The following APIP variants were observed in gnomAD, a reference collection of about 807,000 sequenced individuals.
APIP encodes the protein APAF1 interacting protein.
Under a neutral mutation model 32.0 loss-of-function variants are expected in APIP, and 32 were observed. That is an observed-to-expected ratio of 1.00 (90% CI 0.76 to 1.34). The LOEUF (loss-of-function observed/expected upper bound fraction) is 1.34. Among genes scored for constraint, APIP ranks in the 40% most tolerant of loss-of-function variants. The pLI is 0.00. For missense variants in APIP, 247 were observed against 298.6 expected, an observed-to-expected ratio of 0.83 and a Z score of 1.27; for synonymous variants, 92 against 94.8, an observed-to-expected ratio of 0.97 and a Z score of 0.17.
At chr11:34,914,276 A>G (rs1001938192) in intron 1 of APIP, among the ~76,000 whole-genome samples, 1 of 152,084 alleles carries the variant, frequency 6.6e-6, no homozygotes, top group Admixed American at 6.6e-5. Context: ...GTTCTAGGGG[A>G]GAAGGAACCA....
At chr11:34,905,048 G>A (rs1853424364) in intron 1 of APIP, among the ~76,000 whole-genome samples, 1 of 152,168 alleles carries the variant, frequency 6.6e-6, no homozygotes, top group Admixed American at 6.5e-5. Flanking sequence ...ACCCTTGCAG[G>A]AATTGTTTTA....
chr11:34,898,782 T>C (rs1853323990), intron 1 of APIP, among the ~76,000 whole-genome samples: 1 of 123,274 alleles, frequency 8.1e-6, no homozygotes, highest in Non-Finnish European at 1.6e-5. Context: ...TATTTCTTTC[T>C]TTGGTTTTTT....
intron 1 of APIP, 142 bp downstream of exon 1, chr11:34,916,086 G>C: frequency 1.8e-6 from 2 of 1,108,300 alleles, no homozygotes; most frequent in Non-Finnish European, 2.5e-6. Context: ...GTCGCGGTGC[G>C]CCGGGGTAGC....
intron 1 of APIP, among the ~76,000 whole-genome samples, chr11:34,910,943 G>A (rs541721201): frequency 2.6e-5 from 4 of 152,270 alleles, no homozygotes; most frequent in East Asian, 3.9e-4. Flanking sequence ...GATTTTGGAG[G>A]CAAGGTCACC....
At chr11:34,889,614 T>C (rs934581171) in intron 3 of APIP, among the ~76,000 whole-genome samples, 1 of 152,112 alleles carries the variant, frequency 6.6e-6, no homozygotes, top group Non-Finnish European at 1.5e-5. Flanking sequence ...GACAGCAGTT[T>C]TTCCATCCTC....
chr11:34,889,937 T>C (rs941127257), intron 3 of APIP, among the ~76,000 whole-genome samples: 3 of 152,152 alleles, frequency 2.0e-5, no homozygotes, highest in East Asian at 3.8e-4. Flanking sequence ...CTGTAGCTTT[T>C]ATCTGCCAGG....
At chr11:34,890,404 G>A in intron 3 of APIP, 100 bp downstream of exon 3, 1 of 1,136,396 alleles carries the variant, frequency 8.8e-7, no homozygotes, top group Non-Finnish European at 1.3e-6. Flanking sequence ...TATTCAAATT[G>A]CTATGATAAA....
chr11:34,909,448 T>G (rs143349094), intron 1 of APIP, among the ~76,000 whole-genome samples: 186 of 152,250 alleles, frequency 1.2e-3, no homozygotes, highest in African/African-American at 4.3e-3. Flanking sequence ...CAACTTTGAT[T>G]AACGCAGTCA....
At chr11:34,903,129 A>G (rs1163541972) in intron 1 of APIP, among the ~76,000 whole-genome samples, 1 of 152,238 alleles carries the variant, frequency 6.6e-6, no homozygotes, top group African/African-American at 2.4e-5. Context: ...CATCCAATTA[A>G]AGACTTGTTC....
chr11:34,886,442 A>G (rs1228169205), intron 5 of APIP, among the ~76,000 whole-genome samples: 2 of 152,176 alleles, frequency 1.3e-5, no homozygotes. Context: ...AAAGTTAAAA[A>G]AAAAAAGTAA....
Position 34,885,970 on chromosome 11 carries a change from C to T in APIP, c.461+2323G>A, listed in dbSNP as rs565226439. 3.3e-5 allele frequency among the ~76,000 whole-genome samples: 5 copies of T among 152,254 alleles called. 1 individual carries two copies. In the South Asian group the frequency reaches 1.0e-3, roughly 32 times the overall value. ...CTGCTAGCTGTATAAAAGTACAGCA[C>T]ATACAATTATTACAGTATGTAATAC... On this transcript the variant is annotated intron_variant, in intron 5 of 6. Coordinates refer to ENST00000395787, the MANE Select transcript of APIP (RefSeq NM_015957.4).
intron 1 of APIP, among the ~76,000 whole-genome samples, chr11:34,912,009 G>A (rs548200808): frequency 5.8e-4 from 89 of 152,142 alleles, no homozygotes; most frequent in African/African-American, 2.1e-3. Flanking sequence ...TTCAATATAC[G>A]GTTTCTGAGT....
At chr11:34,905,706 C>T (rs1853438409) in intron 1 of APIP, among the ~76,000 whole-genome samples, 1 of 152,272 alleles carries the variant, frequency 6.6e-6, no homozygotes, top group African/African-American at 2.4e-5. Context: ...GGGGGGCTTT[C>T]AGAATCTAGC....
At chr11:34,903,120 A>G (rs955801865) in intron 1 of APIP, among the ~76,000 whole-genome samples, 2 of 152,232 alleles carry the variant, frequency 1.3e-5, no homozygotes, top group African/African-American at 4.8e-5. Context: ...AGGTTCCAAC[A>G]TCCAATTAAA....
At chr11:34,898,924 G>A (rs952721966) in intron 1 of APIP, among the ~76,000 whole-genome samples, 4 of 149,936 alleles carry the variant, frequency 2.7e-5, no homozygotes, top group South Asian at 2.2e-4. Context: ...TCAGCCTCCC[G>A]AGTAGCTGGG....
intron 1 of APIP, among the ~76,000 whole-genome samples, chr11:34,903,941 G>C (rs1475568585): frequency 6.6e-6 from 1 of 152,202 alleles, no homozygotes; most frequent in African/African-American, 2.4e-5. Context: ...CGTGCCCAGA[G>C]ATTGTTTTCA....
chr11:34,893,366 T>C (rs1040940365), intron 2 of APIP, among the ~76,000 whole-genome samples: 5 of 152,224 alleles, frequency 3.3e-5, no homozygotes, highest in Non-Finnish European at 7.4e-5. Context: ...AAACTATTTC[T>C]GAACATGCAA....
rs556024297 is a variant in APIP at position 34,899,493 on chromosome 11, C to T, written c.58-4383G>A. ...GGGGATTTTAAGTCCAGAAGTTAAC[C>T]GGAACCATTTTTCTAAGGGTAAATG... is the stretch of plus-strand genomic sequence containing the variant. On this transcript the variant is annotated intron_variant, in intron 1 of 6. Transcript: ENST00000395787. Among the ~76,000 whole-genome samples, 16 of 152,292 alleles carry T rather than the reference C, an allele frequency of 1.1e-4. No individual in the cohort carries two copies. The South Asian group carries it at 1.9e-3, about 18-fold the overall frequency.
chr11:34,916,090 G>A, intron 1 of APIP, 138 bp downstream of exon 1: 2 of 1,136,626 alleles, frequency 1.8e-6, no homozygotes, highest in Non-Finnish European at 2.4e-6. Flanking sequence ...CGGTGCGCCG[G>A]GGTAGCGAAC....
Sources: allele counts gnomAD v4.1 joint callset (sites outside exome capture counted in the v4.1 genomes callset), GRCh38; gene constraint gnomAD v4.1.1; transcripts MANE v1.5; gene names NCBI Gene and HGNC (gene_info 2026-07-23, HGNC 2026-07-21).